SIPA1L3: variants seen among roughly 807,000 people sequenced by gnomAD.
The protein encoded by SIPA1L3 is signal-induced proliferation-associated 1-like protein 3.
A neutral mutation model predicts 150.1 loss-of-function variants in SIPA1L3; 59 were observed. That is an observed-to-expected ratio of 0.39 (90% CI 0.32 to 0.49). The LOEUF is 0.49. Ranked by LOEUF, SIPA1L3 falls within the 20% of genes least tolerant of loss-of-function variation. The pLI is 0.86. For synonymous variants in SIPA1L3, 1,070 were observed against 1,077.6 expected, an observed-to-expected ratio of 0.99 and a Z score of 0.14; for missense variants, 2,211 against 2,489.5, an observed-to-expected ratio of 0.89 and a Z score of 2.38.
At chr19:37,917,257 A>G (rs2046421655) in intron 1 of SIPA1L3, among the ~76,000 whole-genome samples, 1 of 152,160 alleles carries the variant, frequency 6.6e-6, no homozygotes, top group Non-Finnish European at 1.5e-5. Flanking sequence ...TGGCTACCAC[A>G]TCGGACAGCA....
In SIPA1L3 at chr19:38,082,314, T is replaced by A. The variant is rs759360585; in HGVS notation, c.749T>A (p.Leu250His). ...CTCCGGGCAGATCCTGGCCCACACCTCATGGGGGGCGGCGGCGGAGCCAAG... is the reference window on the plus strand; with the variant it reads ...CTCCGGGCAGATCCTGGCCCACACCACATGGGGGGCGGCGGCGGAGCCAAG... ...ELLRADPGPH[L>H]MGGGGGAKGD... Residue 250 changes from leucine (L) to histidine (H), a missense_variant, in exon 3 of 22, where the codon CTC (leucine) becomes CAC (histidine). Physicochemically the swap from Leu to His is moderately conservative, Grantham distance 99. Transcript: ENST00000222345. The A allele has an allele frequency of 1.3e-6, 2 of 1,599,034 alleles. No homozygotes were observed. The highest frequency in any genetic ancestry group is 3.3e-5 in the Admixed American group (2 of 59,934).
At chr19:37,964,885 C>T (rs2046889503) in intron 1 of SIPA1L3, 1 of 152,112 alleles carries the variant, frequency 6.6e-6, no homozygotes, top group South Asian at 2.1e-4. Flanking sequence ...ATCAGATTCT[C>T]TGAGAGTGAG....
intron 4 of SIPA1L3, among the ~76,000 whole-genome samples, chr19:38,099,302 G>T (rs1425778204): frequency 6.6e-6 from 1 of 150,522 alleles, no homozygotes; most frequent in Non-Finnish European, 1.5e-5. Flanking sequence ...TCCCCAAAGT[G>T]CTGGGGTTAC....
chr19:38,032,293 A>C (rs1292645446), intron 2 of SIPA1L3, among the ~76,000 whole-genome samples: 1 of 152,188 alleles, frequency 6.6e-6, no homozygotes, highest in East Asian at 1.9e-4. Flanking sequence ...TTCCAAGTAA[A>C]TTCCTAGCAT....
chr19:37,908,825 G>A (rs970614284), intron 1 of SIPA1L3, among the ~76,000 whole-genome samples: 1 of 152,084 alleles, frequency 6.6e-6, no homozygotes, highest in Non-Finnish European at 1.5e-5. Flanking sequence ...TCCCCACAGA[G>A]CCAGTATGTT....
At position 38,145,134 on chromosome 19, in the gene SIPA1L3, CTGTTGTTGT is replaced by C. The variant is rs139738083; in HGVS notation, c.3533+2435_3533+2443del. The stretch of plus-strand genomic sequence containing the variant: ...TGGTGTTACCGAAAGCTCTTGGGAA[CTGTTGTTGT>C]TGTTGTTGTTTTCTCCTAAAGTCTT... On this transcript the variant is annotated intron_variant, in intron 12 of 21. Coordinates refer to ENST00000222345, the MANE Select transcript of SIPA1L3 (RefSeq NM_015073.3). Among the ~76,000 whole-genome samples the C allele has an allele frequency of 1.3e-4, 19 of 151,780 alleles. No homozygotes were observed. The East Asian group carries it at 3.7e-3, about 29-fold the overall frequency.
At chr19:38,126,576 G>T (rs1971178672) in intron 9 of SIPA1L3, among the ~76,000 whole-genome samples, 1 of 150,428 alleles carries the variant, frequency 6.6e-6, no homozygotes, top group South Asian at 2.1e-4. Flanking sequence ...TCTCTCTGTT[G>T]CCTAGGCTGG....
intron 16 of SIPA1L3, among the ~76,000 whole-genome samples, chr19:38,190,094 G>A (rs1003577816): frequency 1.3e-5 from 2 of 152,096 alleles, no homozygotes; most frequent in Middle Eastern, 3.2e-3. Context: ...TGAAGGACGC[G>A]TTTCCAGAAG....
At chr19:38,056,567 T>C (rs1969320567) in intron 2 of SIPA1L3, among the ~76,000 whole-genome samples, 1 of 152,218 alleles carries the variant, frequency 6.6e-6, no homozygotes, top group Non-Finnish European at 1.5e-5. Context: ...TTTGTGTGCT[T>C]AAGTGCATTT....
intron 1 of SIPA1L3, among the ~76,000 whole-genome samples, chr19:38,001,059 A>G (rs1243049382): frequency 1.3e-5 from 2 of 151,158 alleles, no homozygotes; most frequent in Non-Finnish European, 2.9e-5. Flanking sequence ...ACATATATAT[A>G]TATCACATAT....
chr19:38,028,538 T>G (rs920315347), intron 1 of SIPA1L3, among the ~76,000 whole-genome samples: 6 of 152,138 alleles, frequency 3.9e-5, no homozygotes, highest in African/African-American at 1.2e-4. Context: ...CCCGCTAGGT[T>G]TCATCAAGGT....
At chr19:38,026,876 A>G (rs1968524674) in intron 1 of SIPA1L3, among the ~76,000 whole-genome samples, 1 of 152,234 alleles carries the variant, frequency 6.6e-6, no homozygotes, top group African/African-American at 2.4e-5. Flanking sequence ...TGTCACTACT[A>G]GAAATCACGG....
At chr19:38,094,252 T>G (rs1447254637) in intron 4 of SIPA1L3, among the ~76,000 whole-genome samples, 4 of 152,114 alleles carry the variant, frequency 2.6e-5, no homozygotes, top group Non-Finnish European at 5.9e-5. Flanking sequence ...TGTGTGTATT[T>G]GCTTATTTAT....
At chr19:37,926,851 G>A (rs1020319134) in intron 1 of SIPA1L3, among the ~76,000 whole-genome samples, 5 of 152,116 alleles carry the variant, frequency 3.3e-5, no homozygotes, top group Non-Finnish European at 5.9e-5. Flanking sequence ...TGTATGTAGC[G>A]TCTGCTGCAT....
intron 1 of SIPA1L3, among the ~76,000 whole-genome samples, chr19:38,004,684 A>T (rs1206117841): frequency 6.6e-6 from 1 of 152,072 alleles, no homozygotes; most frequent in African/African-American, 2.4e-5. Context: ...TGGTCATGTG[A>T]TCTTCCCCGA....
chr19:38,065,119 A>T (rs1969542444), intron 2 of SIPA1L3, among the ~76,000 whole-genome samples: 1 of 152,272 alleles, frequency 6.6e-6, no homozygotes, highest in South Asian at 2.1e-4. Flanking sequence ...AATTAAAATT[A>T]GACATTTCAG....
chr19:38,195,331 C>T (rs1972898340), intron 18 of SIPA1L3, among the ~76,000 whole-genome samples: 1 of 152,212 alleles, frequency 6.6e-6, no homozygotes, highest in African/African-American at 2.4e-5. Context: ...TGGACTGGGT[C>T]CCAGCCCCCA....
At chr19:38,166,936 TA>T (rs879533284) in intron 15 of SIPA1L3, among the ~76,000 whole-genome samples, 3,588 of 142,194 alleles carry the variant, frequency 0.025, 101 homozygotes, top group African/African-American at 0.073. Flanking sequence ...ATATCTATGT[TA>T]AAAAAAAAAA....
intron 1 of SIPA1L3, among the ~76,000 whole-genome samples, chr19:37,913,694 C>T (rs1344634993): frequency 6.6e-6 from 1 of 150,450 alleles, no homozygotes; most frequent in Non-Finnish European, 1.5e-5. Flanking sequence ...CTGTGCCCAG[C>T]CTTTTCTTTC....
Sources: gnomAD v4.1 joint callset for allele counts (sites outside exome capture counted in the v4.1 genomes callset) on GRCh38, gnomAD v4.1.1 for gene constraint, MANE v1.5 for transcripts, NCBI Gene and HGNC (gene_info 2026-07-23, HGNC 2026-07-21) for gene names.